CFAP97D2: variants seen among roughly 807,000 people sequenced by gnomAD.
The protein encoded by CFAP97D2 is CFAP97 domain containing 2, also known as uncharacterized protein CFAP97D2.
intron 1 of CFAP97D2, among the ~76,000 whole-genome samples, chr13:114,182,412 A>G (rs9590472): frequency 0.016 from 2,406 of 152,086 alleles, 56 homozygotes; most frequent in African/African-American, 0.055. Context: ...AGGGGCAGGC[A>G]GGAGACAGTG....
chr13:114,204,961 C>T lies in CFAP97D2; in HGVS notation c.290+4518C>T, dbSNP rs374885904. On this transcript the variant is annotated intron_variant, in intron 3 of 4. Transcript: ENST00000646158. The stretch of plus-strand genomic sequence containing the variant: ...ACTTGCATCTAGAATACATGAAGAC[C>T]TCTCACAGTTCAGTGATAAAGACAA... 1.1e-4 allele frequency among the ~76,000 whole-genome samples: 16 copies of T among 152,246 alleles called. No homozygotes were observed. The East Asian group carries it at 2.9e-3, about 27-fold the overall frequency.
chr13:114,202,189 C>T (rs1236891844), intron 3 of CFAP97D2, among the ~76,000 whole-genome samples: 1 of 152,200 alleles, frequency 6.6e-6, no homozygotes, highest in Non-Finnish European at 1.5e-5. Flanking sequence ...ATGTGTTTAT[C>T]CATTCACCTG....
chr13:114,202,584 C>T (rs2080923083), intron 3 of CFAP97D2, among the ~76,000 whole-genome samples: 1 of 152,262 alleles, frequency 6.6e-6, no homozygotes, highest in South Asian at 2.1e-4. Context: ...CCAGAAGCTG[C>T]AGCCAAGTGC....
intron 4 of CFAP97D2, among the ~76,000 whole-genome samples, chr13:114,212,748 A>ATCC (rs1209249246): frequency 6.6e-6 from 1 of 152,210 alleles, no homozygotes. Flanking sequence ...GCTACTCGGG[A>ATCC]GGCTGAGGCA....
chr13:114,185,282 C>A lies in CFAP97D2; in HGVS notation c.90+5862C>A, dbSNP rs2138750338. On this transcript the variant is annotated intron_variant, in intron 1 of 4. Transcript: ENST00000646158. The surrounding 1 kb of genome is among the most constrained non-coding windows in gnomAD (Gnocchi z 5.2). ...CCTGGGAGCCCCCTGGAACCTGTCA[C>A]CCTAAGAGCCGCTGTGATGGAGCCA... is the stretch of plus-strand genomic sequence containing the variant. 6.6e-6 allele frequency among the ~76,000 whole-genome samples: 1 copy of A among 152,330 alleles called. No individual in the cohort carries two copies. Among genetic ancestry groups the A allele is most frequent in the African/African-American group, 2.4e-5 (1 of 41,576 alleles).
At chr13:114,205,370 G>T (rs1012369937) in intron 3 of CFAP97D2, among the ~76,000 whole-genome samples, 1 of 152,132 alleles carries the variant, frequency 6.6e-6, no homozygotes, top group Non-Finnish European at 1.5e-5. Context: ...ATGTCTACAC[G>T]AAAACATATA....
intron 2 of CFAP97D2, 146 bp from the exon 3 acceptor site, chr13:114,200,179 C>T (rs1471726824): frequency 3.6e-5 from 14 of 391,188 alleles, no homozygotes; most frequent in Non-Finnish European, 6.3e-5. Context: ...CCTGTGTGTT[C>T]GGTCCCCGCT....
At position 114,185,069 on chromosome 13, in the gene CFAP97D2, C is replaced by T. The variant is rs1037573208; in HGVS notation, c.90+5649C>T. Reference sequence around the variant, plus strand: ...GCAGCTGCAGGAGTGGCAGTAACAGCGGTGGGACCTCTGTGTCCCACATCC... The same window carrying T: ...GCAGCTGCAGGAGTGGCAGTAACAGTGGTGGGACCTCTGTGTCCCACATCC... On this transcript the variant is annotated intron_variant, in intron 1 of 4. Coordinates refer to ENST00000646158, the Ensembl canonical transcript of CFAP97D2. This position sits in a 1 kb window ranked among gnomAD's most constrained non-coding sequence, Gnocchi z 5.2. Among the ~76,000 whole-genome samples, 5 of 152,282 alleles carry T rather than the reference C, an allele frequency of 3.3e-5. No individual in the cohort carries two copies. The highest frequency in any genetic ancestry group is 3.4e-3 in the Middle Eastern group (1 of 294).
At position 114,203,342 on chromosome 13, in the gene CFAP97D2, T is replaced by C. The variant is rs1343189435; in HGVS notation, c.290+2899T>C. On this transcript the variant is annotated intron_variant, in intron 3 of 4. Coordinates refer to ENST00000646158, the Ensembl canonical transcript of CFAP97D2. The surrounding 1 kb of genome is among the most constrained non-coding windows in gnomAD (Gnocchi z 4.3). Reference sequence around the variant, plus strand: ...CAAAAGTATCAAAAGAATAGGTACTTAGGAATAAACAAAGGAAGTACAAAA... The same window carrying C: ...CAAAAGTATCAAAAGAATAGGTACTCAGGAATAAACAAAGGAAGTACAAAA... Among the ~76,000 whole-genome samples, 1 of 152,164 alleles carries C rather than the reference T, an allele frequency of 6.6e-6. No individual in the cohort carries two copies. Among genetic ancestry groups the C allele is most frequent in the Non-Finnish European group, 1.5e-5 (1 of 68,028 alleles).
intron 1 of CFAP97D2, among the ~76,000 whole-genome samples, chr13:114,183,237 G>C (rs950252624): frequency 6.6e-6 from 1 of 152,066 alleles, no homozygotes; most frequent in Admixed American, 6.6e-5. Context: ...TGTGATCTTG[G>C]CTCACTGCAA....
chr13:114,182,395 A>C (rs976411870), intron 1 of CFAP97D2, among the ~76,000 whole-genome samples: 6 of 152,102 alleles, frequency 3.9e-5, no homozygotes, highest in Non-Finnish European at 8.8e-5. Context: ...CGAGACATTC[A>C]GTTCCCAGGG....
At chr13:114,202,103 C>A (rs1346052531) in intron 3 of CFAP97D2, among the ~76,000 whole-genome samples, 1 of 152,218 alleles carries the variant, frequency 6.6e-6, no homozygotes, top group Non-Finnish European at 1.5e-5. Context: ...TGTATAGGTT[C>A]ATCAAGTATC....
intron 4 of CFAP97D2, among the ~76,000 whole-genome samples, chr13:114,220,837 C>T (rs998138475): frequency 2.0e-5 from 3 of 152,258 alleles, no homozygotes; most frequent in South Asian, 2.1e-4. Flanking sequence ...ACCATCATCT[C>T]GGACAAAAGC....
intron 3 of CFAP97D2, among the ~76,000 whole-genome samples, chr13:114,200,941 A>G (rs1467694380): frequency 6.6e-6 from 1 of 152,228 alleles, no homozygotes; most frequent in African/African-American, 2.4e-5. Context: ...TCAGCAGACC[A>G]CTAGGTCCAG....
rs186437499 is a variant in CFAP97D2 at position 114,203,234 on chromosome 13, G to C, written c.290+2791G>C. Among the ~76,000 whole-genome samples the C allele has an allele frequency of 6.8e-4, 104 of 152,264 alleles. No individual in the cohort carries two copies. Among genetic ancestry groups the C allele is most frequent in the Non-Finnish European group, 1.2e-3 (84 of 68,020 alleles). On this transcript the variant is annotated intron_variant, in intron 3 of 4. Coordinates refer to ENST00000646158, the Ensembl canonical transcript of CFAP97D2. This position sits in a 1 kb window ranked among gnomAD's most constrained non-coding sequence, Gnocchi z 4.3. The stretch of plus-strand genomic sequence containing the variant: ...AGTTCAACAAGGTTGCAGAATACAA[G>C]ATCAATACACAAAAATCAATTGTGT...
rs1339276099 is a variant in CFAP97D2 at position 114,198,661 on chromosome 13, TC to T, written c.172-1660del. ...TGACGGCGCGTCCCCGTGTTTACGG[TC>T]CCCGCTGAGGCGTGACAGTGGGTCC... is the stretch of plus-strand genomic sequence containing the variant. On this transcript the variant is annotated intron_variant, in intron 2 of 4. Transcript: ENST00000646158. Among the ~76,000 whole-genome samples the T allele has an allele frequency of 1.5e-5, 2 of 135,628 alleles. 1 individual carries two copies. The highest frequency in any genetic ancestry group is 1.5e-4 in the Admixed American group (2 of 13,470). 89.0% of individuals were successfully genotyped at this position (135,628 alleles called of 152,430 possible).
At chr13:114,192,384 A>C (rs1310906244) in intron 1 of CFAP97D2, among the ~76,000 whole-genome samples, 1 of 152,224 alleles carries the variant, frequency 6.6e-6, no homozygotes, top group Admixed American at 6.5e-5. Flanking sequence ...GTGAACCTAA[A>C]AGTTCTCTTT....
intron 1 of CFAP97D2, among the ~76,000 whole-genome samples, chr13:114,182,019 G>A (rs1054228162): frequency 6.6e-6 from 1 of 152,106 alleles, no homozygotes; most frequent in Non-Finnish European, 1.5e-5. Flanking sequence ...AATAACAGTG[G>A]GCCCAGGGGA....
At chr13:114,182,624 G>A (rs984136023) in intron 1 of CFAP97D2, among the ~76,000 whole-genome samples, 6 of 152,046 alleles carry the variant, frequency 3.9e-5, no homozygotes, top group Non-Finnish European at 7.4e-5. Flanking sequence ...GCAGTGCATT[G>A]TGCCCCTGGT....
Sources: allele counts gnomAD v4.1 joint callset (sites outside exome capture counted in the v4.1 genomes callset), GRCh38; gene constraint gnomAD v4.1.1; non-coding constraint Gnocchi (gnomAD v3.1); transcripts MANE v1.5; gene names NCBI Gene and HGNC (gene_info 2026-07-23, HGNC 2026-07-21).